The following GALNTL6 variants were observed in gnomAD, a reference collection of about 807,000 sequenced individuals.
GALNTL6 encodes the protein polypeptide N-acetylgalactosaminyltransferase like 6, also known as polypeptide N-acetylgalactosaminyltransferase-like 6.
Under a neutral mutation model 73.7 loss-of-function variants are expected in GALNTL6, and 46 were observed. That is an observed-to-expected ratio of 0.62 (90% CI 0.49 to 0.80). The LOEUF (loss-of-function observed/expected upper bound fraction) is 0.80, where lower values mean the gene tolerates loss of function less well. Ranked by LOEUF, GALNTL6 falls within the 30% of genes least tolerant of loss-of-function variation. The pLI, the probability that GALNTL6 is intolerant of heterozygous loss-of-function variation, is 0.00. For missense variants in GALNTL6, 604 were observed against 755.0 expected, an observed-to-expected ratio of 0.80 and a Z score of 2.34; for synonymous variants, 259 against 263.7, an observed-to-expected ratio of 0.98 and a Z score of 0.17.
chr4:172,377,909 C>T (rs528210769), intron 5 of GALNTL6, among the ~76,000 whole-genome samples: 14 of 151,990 alleles, frequency 9.2e-5, no homozygotes, highest in Admixed American at 5.9e-4. Flanking sequence ...GATCCCCCCC[C>T]CCATGCCTCT....
At chr4:172,327,717 G>GT (rs573444462) in intron 4 of GALNTL6, among the ~76,000 whole-genome samples, 61 of 151,662 alleles carry the variant, frequency 4.0e-4, no homozygotes, top group Non-Finnish European at 8.0e-4. Flanking sequence ...TGCCACCCAT[G>GT]TTTTTTTTCC....
intron 5 of GALNTL6, among the ~76,000 whole-genome samples, chr4:172,730,623 T>C (rs1736088365): frequency 6.6e-6 from 1 of 152,234 alleles, no homozygotes; most frequent in South Asian, 2.1e-4. Flanking sequence ...GCATTTGGTT[T>C]GCTGGTATTT....
intron 5 of GALNTL6, among the ~76,000 whole-genome samples, chr4:172,657,388 G>A (rs536776669): frequency 1.3e-5 from 2 of 152,270 alleles, no homozygotes; most frequent in South Asian, 4.1e-4. Flanking sequence ...TCTTCTAAAG[G>A]TCAGCAAAGA....
intron 2 of GALNTL6, among the ~76,000 whole-genome samples, chr4:171,816,859 T>A (rs1466321533): frequency 6.6e-6 from 1 of 151,826 alleles, no homozygotes; most frequent in Admixed American, 6.6e-5. Flanking sequence ...TAAGTAAGAG[T>A]TAAGTCATTA....
intron 2 of GALNTL6, among the ~76,000 whole-genome samples, chr4:172,197,880 C>A (rs776055203): frequency 1.3e-5 from 2 of 152,024 alleles, no homozygotes; most frequent in Non-Finnish European, 2.9e-5. Context: ...AAGGCCAGAG[C>A]GGGCAGATCA....
chr4:172,206,270 A>T (rs1736106737), intron 2 of GALNTL6, among the ~76,000 whole-genome samples: 1 of 152,150 alleles, frequency 6.6e-6, no homozygotes, highest in Non-Finnish European at 1.5e-5. Context: ...AACAATGATG[A>T]TCTGAGAAAA....
At chr4:172,258,437 T>C (rs909954919) in intron 3 of GALNTL6, among the ~76,000 whole-genome samples, 1 of 151,260 alleles carries the variant, frequency 6.6e-6, no homozygotes, top group South Asian at 2.1e-4. Context: ...TGTTTTTCAT[T>C]AGTTGATGTG....
chr4:172,189,291 G>A (rs1191943287), intron 2 of GALNTL6, among the ~76,000 whole-genome samples: 1 of 152,084 alleles, frequency 6.6e-6, no homozygotes, highest in Non-Finnish European at 1.5e-5. Flanking sequence ...TACTGAAATA[G>A]AATGAATAAT....
chr4:172,269,987 C>T (rs554586537), intron 3 of GALNTL6, among the ~76,000 whole-genome samples: 14 of 152,226 alleles, frequency 9.2e-5, no homozygotes, highest in East Asian at 5.8e-4. Context: ...CCGCCCACCT[C>T]GGCCTCCCAA....
At chr4:172,877,801 C>T (rs1193022369) in intron 7 of GALNTL6, among the ~76,000 whole-genome samples, 2 of 151,792 alleles carry the variant, frequency 1.3e-5, no homozygotes, top group Non-Finnish European at 2.9e-5. Context: ...TCATGGATAA[C>T]AGGTTTGTAT....
At chr4:171,825,485 C>T (rs530576192) in intron 2 of GALNTL6, among the ~76,000 whole-genome samples, 40 of 152,236 alleles carry the variant, frequency 2.6e-4, no homozygotes, top group African/African-American at 9.1e-4. Context: ...GAATTGTCCC[C>T]CCTCTTAACT....
At chr4:172,712,281 A>G (rs1235905985) in intron 5 of GALNTL6, among the ~76,000 whole-genome samples, 1 of 152,184 alleles carries the variant, frequency 6.6e-6, no homozygotes, top group Non-Finnish European at 1.5e-5. Flanking sequence ...AGTAGATTTG[A>G]TCATTGATGC....
intron 2 of GALNTL6, among the ~76,000 whole-genome samples, chr4:172,166,221 G>A (rs1010154008): frequency 2.6e-5 from 4 of 152,162 alleles, no homozygotes; most frequent in African/African-American, 9.7e-5. Context: ...CACTTTGGGA[G>A]GCTGAGGCAG....
At chr4:172,799,891 T>A (rs984280372) in intron 5 of GALNTL6, among the ~76,000 whole-genome samples, 3 of 152,126 alleles carry the variant, frequency 2.0e-5, no homozygotes, top group African/African-American at 7.2e-5. Flanking sequence ...GATGAATGGA[T>A]AAACAACACG....
At chr4:171,914,624 C>T (rs1737564067) in intron 2 of GALNTL6, among the ~76,000 whole-genome samples, 1 of 151,420 alleles carries the variant, frequency 6.6e-6, no homozygotes, top group Non-Finnish European at 1.5e-5. Flanking sequence ...CCATGTTGGC[C>T]AGGCTGGTCT....
At chr4:172,287,016 A>G (rs971521837) in intron 3 of GALNTL6, among the ~76,000 whole-genome samples, 8 of 152,268 alleles carry the variant, frequency 5.3e-5, no homozygotes, top group African/African-American at 1.9e-4. Context: ...GGCTCTGCTC[A>G]TGAGTTAAAA....
At chr4:172,592,051 G>T (rs1453155410) in intron 5 of GALNTL6, among the ~76,000 whole-genome samples, 2 of 152,144 alleles carry the variant, frequency 1.3e-5, no homozygotes, top group Non-Finnish European at 2.9e-5. Context: ...ACTCCATTTT[G>T]TGTTGCTTTA....
rs370920235 is a variant in GALNTL6 at position 172,354,675 on chromosome 4, C to T, written c.553+5986C>T. On this transcript the variant is annotated intron_variant, in intron 5 of 12. Transcript: ENST00000506823. ...AACTCATAAAAAGTCTTTGTGCATT[C>T]GTAAAAGATGGATATTACCCACCAG... 4.0e-5 allele frequency among the ~76,000 whole-genome samples: 6 copies of T among 151,892 alleles called. No individual in the cohort carries two copies. In the East Asian group the frequency reaches 5.8e-4, roughly 15 times the overall value.
intron 5 of GALNTL6, among the ~76,000 whole-genome samples, chr4:172,497,466 C>G (rs1734104208): frequency 6.6e-6 from 1 of 152,182 alleles, no homozygotes; most frequent in Non-Finnish European, 1.5e-5. Context: ...TGAAAAACAA[C>G]AAAGCTTGAA....
Sources: gnomAD v4.1 joint callset for allele counts (sites outside exome capture counted in the v4.1 genomes callset) on GRCh38, gnomAD v4.1.1 for gene constraint, MANE v1.5 for transcripts, NCBI Gene and HGNC (gene_info 2026-07-23, HGNC 2026-07-21) for gene names.